The following LRGUK variants were observed in gnomAD, a reference collection of about 807,000 sequenced individuals.
LRGUK encodes leucine-rich repeat and guanylate kinase domain-containing protein.
Under a neutral mutation model 76.0 loss-of-function variants are expected in LRGUK, and 65 were observed. The observed-to-expected ratio is 0.85, with a 90% CI of 0.70 to 1.05. The LOEUF (loss-of-function observed/expected upper bound fraction) is 1.05, where lower values mean the gene tolerates loss of function less well. Among genes scored for constraint, LRGUK ranks in the 50% least tolerant of loss-of-function variants. The probability of loss-of-function intolerance (pLI) is 0.00; values close to 1 mark genes in which losing one functional copy is unlikely to be tolerated. For missense variants in LRGUK, 758 were observed against 732.8 expected, an observed-to-expected ratio of 1.03 and a Z score of -0.40; for synonymous variants, 268 against 265.6, an observed-to-expected ratio of 1.01 and a Z score of -0.09.
intron 1 of LRGUK, among the ~76,000 whole-genome samples, chr7:134,135,967 A>C (rs535905234): frequency 6.6e-6 from 1 of 152,268 alleles, no homozygotes; most frequent in African/African-American, 2.4e-5. Flanking sequence ...GAAGCTCTTT[A>C]TCATAGCACA....
At chr7:134,258,018 G>A (rs1011661867) in intron 18 of LRGUK, among the ~76,000 whole-genome samples, 1 of 152,096 alleles carries the variant, frequency 6.6e-6, no homozygotes. Context: ...GCCATGTCTT[G>A]TATAATGGAT....
At chr7:134,215,640 C>T (rs1239787805) in intron 15 of LRGUK, among the ~76,000 whole-genome samples, 1 of 152,042 alleles carries the variant, frequency 6.6e-6, no homozygotes, top group East Asian at 1.9e-4. Context: ...TCTTGATCAG[C>T]TTACTTCCTT....
In LRGUK at chr7:134,236,455, T is replaced by A. The variant is rs140389487; in HGVS notation, c.1984-11101T>A. 3.8e-3 allele frequency among the ~76,000 whole-genome samples: 574 copies of A among 152,326 alleles called. 4 individuals are homozygous for A. Among genetic ancestry groups the A allele is most frequent in the African/African-American group, 0.013 (547 of 41,572 alleles). On this transcript the variant is annotated intron_variant, in intron 16 of 19. Transcript: ENST00000285928. ...ACAAGTTCCTGTTAAAGGACTCTGTTTAGACTGTAGCATCTCCCACAATTT... is the reference window on the plus strand; with the variant it reads ...ACAAGTTCCTGTTAAAGGACTCTGTATAGACTGTAGCATCTCCCACAATTT...
intron 5 of LRGUK, among the ~76,000 whole-genome samples, chr7:134,148,576 C>T (rs904741303): frequency 2.6e-5 from 4 of 152,052 alleles, no homozygotes; most frequent in Non-Finnish European, 4.4e-5. Flanking sequence ...GTCATTTTTC[C>T]GATAAATGTA....
At chr7:134,255,483 A>G (rs1485698072) in intron 18 of LRGUK, among the ~76,000 whole-genome samples, 3 of 152,236 alleles carry the variant, frequency 2.0e-5, no homozygotes, top group Non-Finnish European at 2.9e-5. Flanking sequence ...GAAGACATGT[A>G]TAGAGAAACA....
intron 12 of LRGUK, among the ~76,000 whole-genome samples, chr7:134,193,019 C>T (rs764820327): frequency 5.3e-5 from 8 of 152,180 alleles, no homozygotes. Flanking sequence ...AACATTTCAG[C>T]ATAGGCTTTG....
chr7:134,167,485 T>G (rs1435836989), intron 7 of LRGUK, among the ~76,000 whole-genome samples: 1 of 152,200 alleles, frequency 6.6e-6, no homozygotes, highest in South Asian at 2.1e-4. Context: ...GCTTTAGCAC[T>G]GGCTCACTGA....
chr7:134,251,655 A>G (rs1229787766), intron 18 of LRGUK, among the ~76,000 whole-genome samples: 1 of 152,216 alleles, frequency 6.6e-6, no homozygotes, highest in Non-Finnish European at 1.5e-5. Context: ...TGTTATACAT[A>G]TAAGCTACTA....
chr7:134,181,314 A>G (rs1014619152), intron 10 of LRGUK, among the ~76,000 whole-genome samples: 4 of 152,198 alleles, frequency 2.6e-5, no homozygotes, highest in African/African-American at 7.2e-5. Context: ...TGAATATATT[A>G]AAAATGTTAC....
chr7:134,261,982 T>G (rs1034042250), intron 19 of LRGUK, among the ~76,000 whole-genome samples: 16 of 152,238 alleles, frequency 1.1e-4, no homozygotes, highest in East Asian at 3.8e-4. Flanking sequence ...TACTTTCAAG[T>G]AAATTTTATT....
intron 15 of LRGUK, among the ~76,000 whole-genome samples, chr7:134,221,496 T>A (rs1801594242): frequency 6.6e-6 from 1 of 152,194 alleles, no homozygotes. Flanking sequence ...TAGAAGCCAC[T>A]GTTTTTGACA....
At chr7:134,184,338 C>T (rs1050583210) in intron 11 of LRGUK, among the ~76,000 whole-genome samples, 4 of 150,964 alleles carry the variant, frequency 2.6e-5, no homozygotes, top group African/African-American at 9.8e-5. Context: ...GGTGCGATCT[C>T]GGCTCACTGC....
chr7:134,250,872 G>C (rs1343503187), intron 18 of LRGUK, among the ~76,000 whole-genome samples: 2 of 152,190 alleles, frequency 1.3e-5, no homozygotes, highest in African/African-American at 2.4e-5. Flanking sequence ...CATGGTAAAA[G>C]GGGTCAGGCC....
the LRGUK span, among the ~76,000 whole-genome samples, chr7:134,274,938 T>C: frequency 6.6e-6 from 1 of 152,156 alleles, no homozygotes; most frequent in South Asian, 2.1e-4. Flanking sequence ...TTTTTATTTA[T>C]TTTTCATACT....
chr7:134,179,175 C>T (rs1799631505), intron 10 of LRGUK, among the ~76,000 whole-genome samples: 1 of 152,162 alleles, frequency 6.6e-6, no homozygotes, highest in Non-Finnish European at 1.5e-5. Context: ...GCGATAAACT[C>T]AGCAGGGAGG....
rs146930926 is a variant in LRGUK at position 134,145,297 on chromosome 7, G to A, written c.588+2135G>A. On this transcript the variant is annotated intron_variant, in intron 4 of 15. Transcript: ENST00000645682. ...AGTCTCATGCTTGTTGCCCAGGCTG[G>A]AGTGCAATAGCAAGATCTCGGCTCA... Among the ~76,000 whole-genome samples the A allele has an allele frequency of 9.0e-3, 1,363 of 152,068 alleles. 22 individuals are homozygous for A. Among genetic ancestry groups the A allele is most frequent in the African/African-American group, 0.031 (1,283 of 41,458 alleles).
intron 15 of LRGUK, among the ~76,000 whole-genome samples, chr7:134,217,153 C>CTTTTTTTTTT (rs75989063): frequency 8.2e-6 from 1 of 122,208 alleles, no homozygotes; most frequent in African/African-American, 3.0e-5. Context: ...AATACTCATC[C>CTTTTTTTTTT]TTTTTTTTTT....
chr7:134,197,931 A>G (rs1800575657), intron 13 of LRGUK, among the ~76,000 whole-genome samples: 1 of 152,252 alleles, frequency 6.6e-6, no homozygotes, highest in African/African-American at 2.4e-5. Flanking sequence ...AAGCAATTAT[A>G]AAACTAATTC....
At chr7:134,242,281 A>T (rs571597298) in intron 16 of LRGUK, among the ~76,000 whole-genome samples, 2 of 152,308 alleles carry the variant, frequency 1.3e-5, no homozygotes, top group African/African-American at 4.8e-5. Context: ...TTTTGAAAGG[A>T]TCAACAAAAT....
Sources: gnomAD v4.1 joint callset for allele counts (sites outside exome capture counted in the v4.1 genomes callset) on GRCh38, gnomAD v4.1.1 for gene constraint, MANE v1.5 for transcripts, NCBI Gene and HGNC (gene_info 2026-07-23, HGNC 2026-07-21) for gene names.